Variants in MARCHF1 observed in about 807,000 individuals in gnomAD.
MARCHF1 encodes the protein membrane associated ring-CH-type finger 1.
Under a neutral mutation model 54.2 loss-of-function variants are expected in MARCHF1, and 40 were observed. The ratio of observed to expected loss-of-function variants is 0.74; its 90% CI spans 0.57 to 0.96. The LOEUF is 0.96. MARCHF1 is among the 40% of genes least tolerant of loss of function. The pLI is 0.00. For missense variants in MARCHF1, 586 were observed against 656.5 expected (o/e 0.89, Z 1.17); for synonymous variants, 236 against 236.3 (o/e 1.00, Z 0.01).
At chr4:163,939,668 C>A (rs1751870848) in intron 3 of MARCHF1, among the ~76,000 whole-genome samples, 1 of 152,080 alleles carries the variant, frequency 6.6e-6, no homozygotes, top group African/African-American at 2.4e-5. Flanking sequence ...TTGGGTGTAT[C>A]TTAAGTCAGA....
intron 4 of MARCHF1, among the ~76,000 whole-genome samples, chr4:163,839,804 C>A (rs973805731): frequency 6.6e-5 from 10 of 151,890 alleles, no homozygotes. Context: ...CCGATGATTG[C>A]AGAACTCTGT....
intron 4 of MARCHF1, among the ~76,000 whole-genome samples, chr4:163,825,401 C>G (rs1748820319): frequency 6.6e-6 from 1 of 152,016 alleles, no homozygotes; most frequent in Non-Finnish European, 1.5e-5. Context: ...CTGTCATGAA[C>G]ATACACATGT....
chr4:164,037,193 C>T (rs1261568182), intron 2 of MARCHF1, among the ~76,000 whole-genome samples: 1 of 152,154 alleles, frequency 6.6e-6, no homozygotes, highest in Non-Finnish European at 1.5e-5. Context: ...AGCAGAGATG[C>T]TCAGTAGGCT....
chr4:163,733,233 ATATATATACACGTG>A (rs1745925693), intron 4 of MARCHF1, among the ~76,000 whole-genome samples: 1 of 73,912 alleles, frequency 1.4e-5, no homozygotes, highest in Non-Finnish European at 2.8e-5. Flanking sequence ...ACGTGTATAT[ATATATATACACGTG>A]TATATATATA....
intron 4 of MARCHF1, among the ~76,000 whole-genome samples, chr4:163,763,179 A>T (rs1460282657): frequency 1.3e-5 from 2 of 152,112 alleles, no homozygotes; most frequent in East Asian, 1.9e-4. Context: ...TCCTTAATGA[A>T]ATCTGAGAAC....
Position 163,612,765 on chromosome 4 carries a change from C to T in MARCHF1, c.516G>A (p.Gln172=). Residue 172 remains glutamine, a synonymous_variant, in exon 7 of 10, where the codon CAG becomes CAA. Transcript: ENST00000514618. ...ATTTAACCTGGGCTCTTCTTTTTGC[C>T]TGAATCCAATGACTCTCATCTGTGG... The part of the protein sequence containing the change: ...SSSTDESHWI[Q]AKRRAQVKFR... The T allele has an allele frequency of 6.5e-7, 1 of 1,535,364 alleles. No homozygotes were observed. The highest frequency in any genetic ancestry group is 8.7e-7 in the Non-Finnish European group (1 of 1,146,456).
At chr4:163,857,054 A>C (rs1390085387) in intron 3 of MARCHF1, among the ~76,000 whole-genome samples, 1 of 150,426 alleles carries the variant, frequency 6.6e-6, no homozygotes, top group East Asian at 1.9e-4. Context: ...AAATAAATAA[A>C]TAGTCTCAAA....
intron 7 of MARCHF1, among the ~76,000 whole-genome samples, chr4:163,600,182 AT>A: frequency 1.3e-5 from 2 of 152,130 alleles, no homozygotes; most frequent in South Asian, 4.1e-4. Context: ...ATAAATTTAT[AT>A]ACATATATAA....
At chr4:163,818,542 T>C (rs1414419122) in intron 4 of MARCHF1, among the ~76,000 whole-genome samples, 1 of 152,150 alleles carries the variant, frequency 6.6e-6, no homozygotes, top group African/African-American at 2.4e-5. Context: ...CTGATCTCTT[T>C]ATCATTTCAA....
At chr4:163,638,242 T>TAA (rs34535913) in intron 5 of MARCHF1, among the ~76,000 whole-genome samples, 59 of 131,846 alleles carry the variant, frequency 4.5e-4, no homozygotes, top group South Asian at 3.3e-3. Context: ...TAAAGTATAA[T>TAA]AAAAAAAAAA....
intron 1 of MARCHF1, among the ~76,000 whole-genome samples, chr4:164,333,377 AC>A (rs1729627163): frequency 1.3e-5 from 2 of 151,952 alleles, no homozygotes; most frequent in Non-Finnish European, 2.9e-5. Flanking sequence ...GTCTATCAGC[AC>A]CATTTTTCAA....
intron 9 of MARCHF1, 141 bp from the exon 10 acceptor site, chr4:163,529,187 T>C (rs1738258506): frequency 7.7e-6 from 5 of 649,424 alleles, no homozygotes; most frequent in Non-Finnish European, 1.3e-5. Flanking sequence ...TCTTCATAAC[T>C]AGAAAGAATT....
At chr4:163,603,940 G>T (rs114927267) in intron 7 of MARCHF1, among the ~76,000 whole-genome samples, 141 of 151,636 alleles carry the variant, frequency 9.3e-4, no homozygotes, top group African/African-American at 3.1e-3. Flanking sequence ...AACTAAAAAG[G>T]CCTCTGAATT....
chr4:163,669,342 T>C (rs1433267758), intron 5 of MARCHF1, among the ~76,000 whole-genome samples: 2 of 152,158 alleles, frequency 1.3e-5, no homozygotes, highest in Non-Finnish European at 2.9e-5. Context: ...CACTATTAAT[T>C]TGGAATCTTG....
intron 8 of MARCHF1, among the ~76,000 whole-genome samples, chr4:163,573,064 G>C (rs1355181317): frequency 1.3e-5 from 2 of 152,040 alleles, no homozygotes; most frequent in Non-Finnish European, 2.9e-5. Context: ...ACTTGGGAGA[G>C]ATTAAATCTC....
intron 1 of MARCHF1, among the ~76,000 whole-genome samples, chr4:164,351,868 A>C (rs1429846617): frequency 6.9e-6 from 1 of 145,536 alleles, no homozygotes; most frequent in South Asian, 2.2e-4. Context: ...TTTGAAAAAA[A>C]TTTAGAAGAA....
At chr4:163,911,979 CA>C (rs2111336779) in intron 3 of MARCHF1, among the ~76,000 whole-genome samples, 1 of 152,050 alleles carries the variant, frequency 6.6e-6, no homozygotes, top group East Asian at 1.9e-4. Flanking sequence ...ACGATTTAAT[CA>C]AGAGAGATAT....
chr4:164,182,980 T>G (rs1215970415), intron 1 of MARCHF1, among the ~76,000 whole-genome samples: 1 of 152,104 alleles, frequency 6.6e-6, no homozygotes, highest in African/African-American at 2.4e-5. Flanking sequence ...ATTTTTAAGC[T>G]GAAGCATTTA....
chr4:164,092,973 A>G (rs1400407970), intron 2 of MARCHF1, among the ~76,000 whole-genome samples: 2 of 152,144 alleles, frequency 1.3e-5, no homozygotes, highest in African/African-American at 4.8e-5. Context: ...AACCCTCTGT[A>G]AATGGGCTTT....
Sources: gnomAD v4.1 joint callset for allele counts (sites outside exome capture counted in the v4.1 genomes callset) on GRCh38, gnomAD v4.1.1 for gene constraint, MANE v1.5 for transcripts, NCBI Gene and HGNC (gene_info 2026-07-23, HGNC 2026-07-21) for gene names.